Variants in SPIDR observed in about 807,000 individuals in gnomAD.
SPIDR encodes scaffold protein involved in DNA repair.
In SPIDR, 93 loss-of-function variants were observed where a neutral mutation model predicts 104.6. That is an observed-to-expected ratio of 0.89 (90% CI 0.75 to 1.06). The LOEUF (loss-of-function observed/expected upper bound fraction) is 1.06. Among genes scored for constraint, SPIDR ranks in the 50% least tolerant of loss-of-function variants. The pLI is 0.00. For synonymous variants in SPIDR, 431 were observed against 416.9 expected, an observed-to-expected ratio of 1.03 and a Z score of -0.41; for missense variants, 1,154 against 1,111.2, an observed-to-expected ratio of 1.04 and a Z score of -0.55.
chr8:47,635,292 C>T (rs988881521), intron 10 of SPIDR, among the ~76,000 whole-genome samples: 1 of 151,946 alleles, frequency 6.6e-6, no homozygotes, highest in African/African-American at 2.4e-5. Flanking sequence ...TGCAGTGAGC[C>T]GAGATTATGC....
chr8:47,434,165 A>G (rs545181145), intron 7 of SPIDR, among the ~76,000 whole-genome samples: 51 of 152,356 alleles, frequency 3.3e-4, no homozygotes, highest in Non-Finnish European at 6.0e-4. Flanking sequence ...AATTATTATC[A>G]TCACAGCTGG....
intron 9 of SPIDR, among the ~76,000 whole-genome samples, chr8:47,596,573 CAGTG>C (rs1319520553): frequency 1.3e-5 from 2 of 152,188 alleles, no homozygotes; most frequent in Non-Finnish European, 2.9e-5. Flanking sequence ...CTCGATGAGT[CAGTG>C]AGTGAGTGGG....
intron 1 of SPIDR, among the ~76,000 whole-genome samples, chr8:47,263,936 C>T (rs924666852): frequency 7.9e-5 from 12 of 152,324 alleles, no homozygotes; most frequent in Non-Finnish European, 1.5e-4. Context: ...AGATTAGGGA[C>T]TATTTCTTCA....
intron 5 of SPIDR, among the ~76,000 whole-genome samples, chr8:47,376,534 G>T (rs1219337953): frequency 6.6e-6 from 1 of 152,178 alleles, no homozygotes; most frequent in Non-Finnish European, 1.5e-5. Context: ...GTGATTTGTT[G>T]TGAAGCATTA....
At chr8:47,616,264 C>G (rs1284642212) in intron 10 of SPIDR, among the ~76,000 whole-genome samples, 1 of 152,172 alleles carries the variant, frequency 6.6e-6, no homozygotes, top group African/African-American at 2.4e-5. Context: ...GGAGAGCTCT[C>G]ATTCTTTCAC....
At chr8:47,269,758 A>G (rs2154213451) in intron 1 of SPIDR, among the ~76,000 whole-genome samples, 1 of 152,252 alleles carries the variant, frequency 6.6e-6, no homozygotes, top group East Asian at 1.9e-4. Context: ...TAAAGCATCC[A>G]GTATTTAACT....
intron 5 of SPIDR, among the ~76,000 whole-genome samples, chr8:47,395,086 T>C (rs564388830): frequency 6.6e-6 from 1 of 152,278 alleles, no homozygotes; most frequent in Non-Finnish European, 1.5e-5. Context: ...TGGTGGTTCA[T>C]GCCTGTTATC....
intron 16 of SPIDR, among the ~76,000 whole-genome samples, chr8:47,726,457 G>T (rs530385558): frequency 7.2e-5 from 11 of 152,292 alleles, no homozygotes; most frequent in African/African-American, 2.2e-4. Flanking sequence ...GGACATCTGC[G>T]ATTTGGTGGT....
intron 8 of SPIDR, among the ~76,000 whole-genome samples, chr8:47,460,065 A>G (rs552422143): frequency 7.9e-5 from 12 of 152,266 alleles, no homozygotes; most frequent in African/African-American, 1.2e-4. Flanking sequence ...CATATGGTCT[A>G]TCTTGGAGAA....
intron 5 of SPIDR, among the ~76,000 whole-genome samples, chr8:47,369,907 AT>A (rs1344035328): frequency 3.3e-5 from 5 of 150,534 alleles, no homozygotes; most frequent in African/African-American, 9.8e-5. Flanking sequence ...GTTTGTCTGG[AT>A]TTTTTTTTGT....
At chr8:47,266,129 C>CTTTTT (rs1224689414) in intron 1 of SPIDR, among the ~76,000 whole-genome samples, 2 of 129,674 alleles carry the variant, frequency 1.5e-5, no homozygotes, top group Admixed American at 7.8e-5. Flanking sequence ...GTTTCTTTGT[C>CTTTTT]TTTTTTTTTT....
At chr8:47,730,541 A>T (rs1268081497) in intron 19 of SPIDR, among the ~76,000 whole-genome samples, 1 of 152,186 alleles carries the variant, frequency 6.6e-6, no homozygotes, top group African/African-American at 2.4e-5. Context: ...TGGTCAGTTA[A>T]ATAAGGGGTC....
intron 5 of SPIDR, among the ~76,000 whole-genome samples, chr8:47,313,467 C>T (rs960846494): frequency 3.4e-4 from 51 of 152,166 alleles, no homozygotes; most frequent in African/African-American, 1.1e-3. Flanking sequence ...GAATCAATGT[C>T]GTGAAAATGG....
intron 10 of SPIDR, among the ~76,000 whole-genome samples, chr8:47,631,850 A>C (rs1366613049): frequency 6.6e-6 from 1 of 152,230 alleles, no homozygotes; most frequent in African/African-American, 2.4e-5. Flanking sequence ...ATGGTCTGAG[A>C]AAACCAAAAG....
At chr8:47,354,612 C>G (rs1554624559) in intron 5 of SPIDR, among the ~76,000 whole-genome samples, 1 of 151,976 alleles carries the variant, frequency 6.6e-6, no homozygotes, top group African/African-American at 2.4e-5. Flanking sequence ...TATGTTTATA[C>G]TGATGACTGT....
rs553415854 is a variant in SPIDR, at chr8:47,626,500, G to T, written c.1544+27304G>T. 4.6e-5 allele frequency among the ~76,000 whole-genome samples: 7 copies of T among 152,204 alleles called. No individual in the cohort carries two copies. In the East Asian group the frequency reaches 1.3e-3, roughly 29 times the overall value. ...TCACAACCTACTCATCTGACAAAGG[G>T]CTAATATCCAGAATCTACAATGAAC... On this transcript the variant is annotated intron_variant, in intron 10 of 19. Coordinates refer to ENST00000297423, the MANE Select transcript of SPIDR (RefSeq NM_001080394.4).
chr8:47,676,518 C>CT (rs11367374), intron 11 of SPIDR, among the ~76,000 whole-genome samples: 34 of 149,140 alleles, frequency 2.3e-4, no homozygotes, highest in South Asian at 2.1e-3. Context: ...CATTCTCTCT[C>CT]TTTTTTTTTT....
chr8:47,317,740 G>C (rs1586848962), intron 5 of SPIDR, among the ~76,000 whole-genome samples: 1 of 152,092 alleles, frequency 6.6e-6, no homozygotes, highest in Non-Finnish European at 1.5e-5. Flanking sequence ...GTACTCCTCT[G>C]AGACAAAACT....
intron 12 of SPIDR, 40 bp from the exon 13 acceptor site, chr8:47,701,681 A>C (rs949207273): frequency 1.3e-6 from 2 of 1,593,762 alleles, no homozygotes; most frequent in Non-Finnish European, 1.7e-6. Context: ...TGAGTCTTTT[A>C]ACAATACATT....
Sources: gnomAD v4.1 joint callset for allele counts (sites outside exome capture counted in the v4.1 genomes callset) on GRCh38, gnomAD v4.1.1 for gene constraint, MANE v1.5 for transcripts, NCBI Gene and HGNC (gene_info 2026-07-23, HGNC 2026-07-21) for gene names.